The following NDST4 variants were observed in gnomAD, a reference collection of about 807,000 sequenced individuals.
NDST4 encodes the protein N-deacetylase and N-sulfotransferase 4.
NDST4 carries 63 observed loss-of-function variants against 100.8 expected under a neutral mutation model. The ratio of observed to expected loss-of-function variants is 0.62; its 90% confidence interval spans 0.51 to 0.77. NDST4 has a LOEUF of 0.77. Among genes scored for constraint, NDST4 ranks in the 30% least tolerant of loss-of-function variants. The probability of loss-of-function intolerance (pLI) is 0.00; values close to 1 mark genes in which losing one functional copy is unlikely to be tolerated. For missense variants in NDST4, 943 were observed against 1,018.4 expected (o/e 0.93, Z 1.01); for synonymous variants, 377 against 361.8 (o/e 1.04, Z -0.48).
At chr4:114,867,665 C>CAAAAAAAAAAAAAAA in intron 7 of NDST4, among the ~76,000 whole-genome samples, 17 of 79,886 alleles carry the variant, frequency 2.1e-4, no homozygotes, top group South Asian at 5.7e-4. Context: ...AAAAAAAAAG[C>CAAAAAAAAAAAAAAA]AAAAAAAAAA....
At chr4:115,004,342 A>C (rs1196258721) in intron 2 of NDST4, among the ~76,000 whole-genome samples, 1 of 152,168 alleles carries the variant, frequency 6.6e-6, no homozygotes, top group Non-Finnish European at 1.5e-5. Context: ...AATATATAAG[A>C]ATTTTTAGTG....
intron 2 of NDST4, among the ~76,000 whole-genome samples, chr4:115,047,608 G>A (rs1363848582): frequency 1.3e-5 from 2 of 152,122 alleles, no homozygotes; most frequent in African/African-American, 4.8e-5. Flanking sequence ...TAGTTTTAAT[G>A]CTATTACACA....
At position 114,970,728 on chromosome 4, in the gene NDST4, C is replaced by A. The variant is rs576611419; in HGVS notation, c.1067-144G>T. The A allele has an allele frequency of 1.5e-4, 107 of 727,330 alleles. 1 individual carries two copies. The highest frequency in any genetic ancestry group is 4.0e-4 in the Middle Eastern group (1 of 2,520). The allele number at this position is 727,330 out of a possible 1,614,324, so 45.1% of individuals were successfully genotyped here. On this transcript the variant is annotated intron_variant, in intron 3 of 13. Transcript: ENST00000264363. ...CTTTTTAAATCAGAATAAAAGACCA[C>A]AGTCTAAAATGAATCAAAGGCAAAG...
chr4:114,875,508 TATAA>T (rs1250167048), intron 6 of NDST4, among the ~76,000 whole-genome samples: 2 of 152,190 alleles, frequency 1.3e-5, no homozygotes, highest in African/African-American at 4.8e-5. Flanking sequence ...TATCAAAATG[TATAA>T]ATCTTGATAA....
At chr4:114,903,483 G>A (rs1724888767) in intron 6 of NDST4, among the ~76,000 whole-genome samples, 1 of 152,002 alleles carries the variant, frequency 6.6e-6, no homozygotes, top group African/African-American at 2.4e-5. Flanking sequence ...GTCAAGTACA[G>A]TTCAGTTTTT....
At chr4:114,910,218 G>C (rs1048076939) in intron 6 of NDST4, among the ~76,000 whole-genome samples, 1 of 152,152 alleles carries the variant, frequency 6.6e-6, no homozygotes, top group African/African-American at 2.4e-5. Flanking sequence ...TGAAGGAATA[G>C]GGGGAAAATT....
At chr4:115,103,957 T>C (rs955613169) in intron 1 of NDST4, among the ~76,000 whole-genome samples, 8 of 152,200 alleles carry the variant, frequency 5.3e-5, no homozygotes, top group Admixed American at 5.2e-4. Flanking sequence ...ACTTGATGAC[T>C]GGCATCTAGA....
At chr4:114,921,589 T>C (rs1578389947) in intron 6 of NDST4, among the ~76,000 whole-genome samples, 1 of 152,194 alleles carries the variant, frequency 6.6e-6, no homozygotes, top group East Asian at 1.9e-4. Flanking sequence ...TCACTTGCTT[T>C]TTATCACATC....
chr4:114,850,722 T>C (rs182244945), intron 8 of NDST4, among the ~76,000 whole-genome samples: 108 of 152,270 alleles, frequency 7.1e-4, no homozygotes, highest in Middle Eastern at 3.4e-3. Flanking sequence ...ATATTGACAG[T>C]GTGAACACTG....
intron 1 of NDST4, among the ~76,000 whole-genome samples, chr4:115,096,530 T>C (rs185866039): frequency 9.5e-4 from 144 of 152,160 alleles, no homozygotes; most frequent in Admixed American, 2.2e-3. Flanking sequence ...CAAACACTTA[T>C]TCCCTATGTG....
rs1729814457 is a variant in NDST4, at chr4:115,105,378, ATTATT to A, written c.-247+8061_-247+8065del. ...AAACTTTCACTTACTCAAGAAATGT[ATTATT>A]TTATTTTCTTTATAAAATGGTACAT... On this transcript the variant is annotated intron_variant, in intron 1 of 13. Coordinates refer to ENST00000264363, the MANE Select transcript of NDST4 (RefSeq NM_022569.3). 7.9e-5 allele frequency among the ~76,000 whole-genome samples: 12 copies of A among 152,262 alleles called. No individual in the cohort carries two copies. The South Asian group carries it at 2.5e-3, about 32-fold the overall frequency.
At chr4:114,895,634 T>TA (rs145939192) in intron 6 of NDST4, among the ~76,000 whole-genome samples, 34,425 of 151,972 alleles carry the variant, frequency 0.23, 5,601 homozygotes, top group African/African-American at 0.47. Context: ...TAACTCATTT[T>TA]AGAAGCCAGC....
chr4:115,091,473 T>C (rs1329638781), intron 1 of NDST4, among the ~76,000 whole-genome samples: 1 of 152,098 alleles, frequency 6.6e-6, no homozygotes, highest in Admixed American at 6.6e-5. Flanking sequence ...TTCTTCTCAA[T>C]TGTGAGGTAG....
chr4:114,943,763 G>A (rs1316118127), intron 4 of NDST4, among the ~76,000 whole-genome samples: 2 of 152,144 alleles, frequency 1.3e-5, no homozygotes, highest in Non-Finnish European at 2.9e-5. Context: ...ATGACCTTGA[G>A]AGAGACTTAT....
chr4:114,997,521 C>A (rs1427601817), intron 2 of NDST4, among the ~76,000 whole-genome samples: 3 of 151,768 alleles, frequency 2.0e-5, no homozygotes, highest in Non-Finnish European at 2.9e-5. Flanking sequence ...CATAGCCTAC[C>A]ACATTGATGT....
intron 1 of NDST4, among the ~76,000 whole-genome samples, chr4:115,110,374 T>A (rs1448552745): frequency 6.6e-6 from 1 of 152,030 alleles, no homozygotes; most frequent in African/African-American, 2.4e-5. Context: ...GTCTGACACC[T>A]GACCCATTTA....
intron 2 of NDST4, among the ~76,000 whole-genome samples, chr4:115,051,687 C>T (rs1172253799): frequency 6.6e-6 from 1 of 151,990 alleles, no homozygotes; most frequent in Non-Finnish European, 1.5e-5. Context: ...AGGTAGATTC[C>T]ATATTTTGGC....
At chr4:114,925,172 G>A (rs370677123) in intron 6 of NDST4, among the ~76,000 whole-genome samples, 1 of 151,834 alleles carries the variant, frequency 6.6e-6, no homozygotes, top group East Asian at 1.9e-4. Context: ...TTTCTATGTG[G>A]TTTCTATTTC....
At chr4:114,931,605 T>G (rs758894199) in intron 6 of NDST4, among the ~76,000 whole-genome samples, 7 of 151,756 alleles carry the variant, frequency 4.6e-5, no homozygotes, top group Non-Finnish European at 8.8e-5. Flanking sequence ...TTAGCATGCA[T>G]ATAGCTAGAC....
Sources: gnomAD v4.1 joint callset for allele counts (sites outside exome capture counted in the v4.1 genomes callset) on GRCh38, gnomAD v4.1.1 for gene constraint, MANE v1.5 for transcripts, NCBI Gene and HGNC (gene_info 2026-07-23, HGNC 2026-07-21) for gene names.